The following CTNNA3 variants were observed in gnomAD, a reference collection of about 807,000 sequenced individuals.
CTNNA3 encodes catenin alpha-3.
Under a neutral mutation model 95.7 loss-of-function variants are expected in CTNNA3, and 76 were observed. The observed-to-expected ratio is 0.79, with a 90% CI of 0.66 to 0.96. The LOEUF (loss-of-function observed/expected upper bound fraction) is 0.96, where lower values mean the gene tolerates loss of function less well. CTNNA3 is among the 40% of genes least tolerant of loss of function. The pLI is 0.00. For synonymous variants in CTNNA3, 431 were observed against 374.4 expected, an observed-to-expected ratio of 1.15 and a Z score of -1.74; for missense variants, 1,191 against 1,089.8, an observed-to-expected ratio of 1.09 and a Z score of -1.31.
chr10:66,387,077 A>G (rs986580951), intron 11 of CTNNA3, among the ~76,000 whole-genome samples: 1 of 152,204 alleles, frequency 6.6e-6, no homozygotes, highest in African/African-American at 2.4e-5. Flanking sequence ...AATGGCAACA[A>G]AAGTCAAAAT....
At position 66,328,933 on chromosome 10, in the gene CTNNA3, T is replaced by TATAC. The variant is rs59003281; in HGVS notation, c.1733-48313_1733-48312insGTAT. 6.0e-3 allele frequency among the ~76,000 whole-genome samples: 692 copies of TATAC among 115,286 alleles called. 12 individuals are homozygous for TATAC. Among genetic ancestry groups the TATAC allele is most frequent in the African/African-American group, 0.019 (609 of 32,746 alleles). The allele number at this position is 115,286 out of a possible 152,430, so 75.6% of individuals were successfully genotyped here. ...ATACATATATATATATATATATATA[T>TATAC]ACACACACACATATAAATATAATTT... is the stretch of plus-strand genomic sequence containing the variant. On this transcript the variant is annotated intron_variant, in intron 12 of 17. Coordinates refer to ENST00000433211, the MANE Select transcript of CTNNA3 (RefSeq NM_013266.4).
rs74415164 is a variant in CTNNA3 at position 67,205,287 on chromosome 10, C to T, written c.843+14320G>A. Among the ~76,000 whole-genome samples, 1,362 of 152,200 alleles carry T rather than the reference C, an allele frequency of 8.9e-3. 20 individuals carry two copies. The highest frequency in any genetic ancestry group is 0.031 in the African/African-American group (1,276 of 41,528). On this transcript the variant is annotated intron_variant, in intron 6 of 17. Transcript: ENST00000433211. Reference sequence around the variant, plus strand: ...TCTCATGTTTTATTTTTTGCAAAGTCGGTTTCAGTCCCAAGTAAGACCAAC... The same window carrying T: ...TCTCATGTTTTATTTTTTGCAAAGTTGGTTTCAGTCCCAAGTAAGACCAAC...
chr10:65,945,805 T>A (rs775887705), intron 17 of CTNNA3, among the ~76,000 whole-genome samples: 2 of 152,176 alleles, frequency 1.3e-5, no homozygotes, highest in Non-Finnish European at 2.9e-5. Context: ...ATTTAAGGGA[T>A]GTAAAACCAC....
intron 12 of CTNNA3, among the ~76,000 whole-genome samples, chr10:66,305,761 G>A (rs778797120): frequency 6.6e-6 from 1 of 152,134 alleles, no homozygotes; most frequent in Non-Finnish European, 1.5e-5. Context: ...GATTCAGAGA[G>A]GATTGTCTTA....
intron 9 of CTNNA3, among the ~76,000 whole-genome samples, chr10:66,747,808 T>A (rs1838949766): frequency 6.6e-6 from 1 of 152,174 alleles, no homozygotes; most frequent in African/African-American, 2.4e-5. Context: ...AGCAAAGAAA[T>A]AGATAAATCC....
chr10:67,118,179 G>T (rs1859282540), intron 7 of CTNNA3, among the ~76,000 whole-genome samples: 1 of 152,002 alleles, frequency 6.6e-6, no homozygotes, highest in Admixed American at 6.6e-5. Context: ...TAATGCAAAA[G>T]AATTATCTAA....
chr10:66,630,824 T>C (rs560346177), intron 9 of CTNNA3, among the ~76,000 whole-genome samples: 1 of 152,264 alleles, frequency 6.6e-6, no homozygotes, highest in South Asian at 2.1e-4. Context: ...AACTGTGCTG[T>C]AAAAGCACAT....
At chr10:66,426,544 C>A (rs780115662) in intron 11 of CTNNA3, among the ~76,000 whole-genome samples, 1 of 151,926 alleles carries the variant, frequency 6.6e-6, no homozygotes, top group Non-Finnish European at 1.5e-5. Context: ...AAGTACATTT[C>A]TAGGCTGGTA....
rs569859609 is a variant in CTNNA3 at position 67,070,670 on chromosome 10, C to T, written c.1047+109647G>A. Among the ~76,000 whole-genome samples, 11 of 152,012 alleles carry T rather than the reference C, an allele frequency of 7.2e-5. No homozygotes were observed. In the South Asian group the frequency reaches 1.5e-3, roughly 20 times the overall value. On this transcript the variant is annotated intron_variant, in intron 7 of 17. Coordinates refer to ENST00000433211, the MANE Select transcript of CTNNA3 (RefSeq NM_013266.4). ...GCTGAGGCAGGGGAATCGCTTGAAC[C>T]CGGGAGGCGGAGGTTGCAGGGAGCT...
intron 9 of CTNNA3, among the ~76,000 whole-genome samples, chr10:66,696,455 A>G (rs1264818510): frequency 6.6e-6 from 1 of 152,198 alleles, no homozygotes; most frequent in Non-Finnish European, 1.5e-5. Flanking sequence ...GGTACATAAT[A>G]ATGTAGTAAA....
At chr10:66,084,004 G>T (rs983628015) in intron 14 of CTNNA3, among the ~76,000 whole-genome samples, 2 of 151,712 alleles carry the variant, frequency 1.3e-5, no homozygotes, top group South Asian at 2.1e-4. Flanking sequence ...GTGTGGTGGT[G>T]CATGCCTGTA....
chr10:66,259,899 C>T (rs1039259352), intron 13 of CTNNA3, among the ~76,000 whole-genome samples: 10 of 152,082 alleles, frequency 6.6e-5, no homozygotes, highest in Admixed American at 3.9e-4. Flanking sequence ...AGAGTGTAAA[C>T]GAAAGAGTTG....
At chr10:65,977,774 G>T (rs567361244) in intron 16 of CTNNA3, among the ~76,000 whole-genome samples, 2 of 151,782 alleles carry the variant, frequency 1.3e-5, no homozygotes, top group Admixed American at 1.3e-4. Context: ...GAGAGACTCC[G>T]TCTCAAAAAT....
At chr10:67,036,167 T>C (rs1854040759) in intron 7 of CTNNA3, among the ~76,000 whole-genome samples, 1 of 152,144 alleles carries the variant, frequency 6.6e-6, no homozygotes, top group Non-Finnish European at 1.5e-5. Context: ...TTTTATCTTA[T>C]TTTGAGACAG....
intron 5 of CTNNA3, among the ~76,000 whole-genome samples, chr10:67,362,371 C>G (rs1843020633): frequency 6.6e-6 from 1 of 152,048 alleles, no homozygotes; most frequent in South Asian, 2.1e-4. Flanking sequence ...GCAAAAATCC[C>G]CAGCAAAATA....
At chr10:65,927,511 T>C (rs745711525) in intron 17 of CTNNA3, among the ~76,000 whole-genome samples, 1 of 152,178 alleles carries the variant, frequency 6.6e-6, no homozygotes, top group Non-Finnish European at 1.5e-5. Flanking sequence ...GCACCACAGA[T>C]TAGATGTATA....
At chr10:67,633,941 C>A (rs1161982023) in intron 2 of CTNNA3, among the ~76,000 whole-genome samples, 3 of 152,140 alleles carry the variant, frequency 2.0e-5, no homozygotes, top group African/African-American at 7.2e-5. Flanking sequence ...CCCAACCTAG[C>A]AAAACAGGCC....
chr10:67,332,814 C>A (rs1360875316), intron 5 of CTNNA3, among the ~76,000 whole-genome samples: 1 of 152,154 alleles, frequency 6.6e-6, no homozygotes, highest in Non-Finnish European at 1.5e-5. Context: ...TGAAAGCTTG[C>A]AAACAGTTAG....
At chr10:65,920,969 G>T (rs1185269145) in intron 17 of CTNNA3, among the ~76,000 whole-genome samples, 1 of 152,122 alleles carries the variant, frequency 6.6e-6, no homozygotes, top group Non-Finnish European at 1.5e-5. Flanking sequence ...AAGTGATTAT[G>T]TTCAATTAAC....
Sources: gnomAD v4.1 joint callset for allele counts (sites outside exome capture counted in the v4.1 genomes callset) on GRCh38, gnomAD v4.1.1 for gene constraint, MANE v1.5 for transcripts, NCBI Gene and HGNC (gene_info 2026-07-23, HGNC 2026-07-21) for gene names.